Variants in EIF4E observed in about 807,000 individuals in gnomAD.
EIF4E encodes eukaryotic translation initiation factor 4E.
For synonymous variants in EIF4E, 71 were observed against 88.5 expected (o/e 0.80, Z 1.11); for missense variants, 113 against 265.6 (o/e 0.43, Z 3.99).
chr4:98,893,724 A>G (rs1442243935), intron 2 of EIF4E, among the ~76,000 whole-genome samples: 1 of 152,202 alleles, frequency 6.6e-6, no homozygotes, highest in Non-Finnish European at 1.5e-5. Flanking sequence ...CAAAGTCATC[A>G]ATACGGGTTG....
intron 2 of EIF4E, among the ~76,000 whole-genome samples, chr4:98,894,891 A>G (rs1301707408): frequency 6.6e-6 from 1 of 152,182 alleles, no homozygotes; most frequent in African/African-American, 2.4e-5. Context: ...TTAAAGTGAG[A>G]GACATGCAAC....
intron 1 of EIF4E, among the ~76,000 whole-genome samples, chr4:98,921,972 A>G (rs976051083): frequency 6.6e-6 from 1 of 152,224 alleles, no homozygotes; most frequent in African/African-American, 2.4e-5. Context: ...AGTCCTCAAG[A>G]TTATATATTT....
intron 1 of EIF4E, chr4:98,909,670 C>A (rs1386038141): frequency 8.4e-6 from 6 of 711,812 alleles, no homozygotes; most frequent in Non-Finnish European, 1.0e-5. Context: ...GCAAACAAGG[C>A]TTATCACCTG....
At chr4:98,895,194 C>T (rs1463351804) in intron 2 of EIF4E, 3 of 152,166 alleles carry the variant, frequency 2.0e-5, no homozygotes, top group Non-Finnish European at 4.4e-5. Context: ...AAATGTGACA[C>T]AGAGACACCA....
At chr4:98,903,324 C>A (rs1579166969) in intron 1 of EIF4E, 1 of 414,048 alleles carries the variant, frequency 2.4e-6, no homozygotes, top group Non-Finnish European at 4.6e-6. Flanking sequence ...GAATGCAGAG[C>A]AGAAAGGTGG....
intron 1 of EIF4E, chr4:98,909,587 C>T (rs1250095181): frequency 4.4e-6 from 3 of 678,912 alleles, no homozygotes; most frequent in Admixed American, 2.4e-5. Flanking sequence ...TTATATTCCT[C>T]AGCTTCTTCC....
chr4:98,882,833 A>T (rs549797215), intron 6 of EIF4E, among the ~76,000 whole-genome samples: 1 of 142,508 alleles, frequency 7.0e-6, no homozygotes, highest in Non-Finnish European at 1.5e-5. Flanking sequence ...TAACTCATTT[A>T]AAAAAAAAAA....
chr4:98,895,687 G>A (rs1724350704), intron 2 of EIF4E: 1 of 152,190 alleles, frequency 6.6e-6, no homozygotes, highest in African/African-American at 2.4e-5. Context: ...AAGTATACAT[G>A]CTGGATTTTT....
chr4:98,925,306 AACT>A (rs1455135761), intron 1 of EIF4E, among the ~76,000 whole-genome samples: 2 of 152,208 alleles, frequency 1.3e-5, no homozygotes, highest in African/African-American at 4.8e-5. Context: ...CCTCAAAAGG[AACT>A]ACAAGTCAAA....
intron 6 of EIF4E, among the ~76,000 whole-genome samples, chr4:98,882,527 G>GA (rs1481745711): frequency 6.6e-6 from 1 of 151,300 alleles, no homozygotes; most frequent in Non-Finnish European, 1.5e-5. Flanking sequence ...ATGATACTAG[G>GA]ATAGGTTTTT....
chr4:98,898,241 T>C lies in EIF4E; in HGVS notation c.125+3635A>G, dbSNP rs187675222. 3.6e-3 allele frequency among the ~76,000 whole-genome samples: 547 copies of C among 152,322 alleles called. 2 individuals are homozygous for C. The highest frequency in any genetic ancestry group is 6.6e-3 in the Non-Finnish European group (452 of 68,024). ...TGTGTGAGGCTGTATTGTCTTCTTA[T>C]ACTTCCAATGAAACATCTTAACTCC... On this transcript the variant is annotated intron_variant, in intron 2 of 6. Coordinates refer to ENST00000450253, the MANE Select transcript of EIF4E (RefSeq NM_001968.5).
intron 1 of EIF4E, among the ~76,000 whole-genome samples, chr4:98,913,844 A>G (rs1377357374): frequency 6.6e-6 from 1 of 152,142 alleles, no homozygotes; most frequent in East Asian, 1.9e-4. Flanking sequence ...ATGGGAAAAT[A>G]GAAAAATAAT....
At chr4:98,900,585 A>C (rs1560642801) in intron 2 of EIF4E, among the ~76,000 whole-genome samples, 1 of 152,244 alleles carries the variant, frequency 6.6e-6, no homozygotes. Flanking sequence ...AAAAAAGACA[A>C]GAAATGAACT....
chr4:98,891,601 G>T, intron 2 of EIF4E: 1 of 385,774 alleles, frequency 2.6e-6, no homozygotes, highest in Non-Finnish European at 4.6e-6. Flanking sequence ...ACTTATATGA[G>T]GTATAAGAAG....
intron 1 of EIF4E, among the ~76,000 whole-genome samples, chr4:98,923,204 C>CA (rs550509478): frequency 0.11 from 13,933 of 121,382 alleles, 1,583 homozygotes; most frequent in African/African-American, 0.32. Context: ...ACTGGGGAAA[C>CA]AAAAAAAAAA....
chr4:98,927,654 C>CA (rs774720176), intron 1 of EIF4E, among the ~76,000 whole-genome samples: 891 of 35,070 alleles, frequency 0.025, 153 homozygotes, highest in Non-Finnish European at 0.035. Context: ...GACTCCATCT[C>CA]AAAAAAAAAA....
intron 1 of EIF4E, among the ~76,000 whole-genome samples, chr4:98,904,584 G>C (rs756341289): frequency 6.6e-6 from 1 of 151,984 alleles, no homozygotes; most frequent in Non-Finnish European, 1.5e-5. Context: ...CAGCCTGGCC[G>C]ACATGGTGAA....
chr4:98,916,930 G>A (rs1471307119), intron 1 of EIF4E, among the ~76,000 whole-genome samples: 1 of 152,104 alleles, frequency 6.6e-6, no homozygotes, highest in Non-Finnish European at 1.5e-5. Flanking sequence ...CAGGAACATG[G>A]TAAAAGGAGA....
chr4:98,884,262 T>C (rs1723819310), intron 6 of EIF4E, among the ~76,000 whole-genome samples: 1 of 152,272 alleles, frequency 6.6e-6, no homozygotes, highest in South Asian at 2.1e-4. Flanking sequence ...CTTTTCAAAG[T>C]AGTACTTTTT....
Sources: allele counts gnomAD v4.1 joint callset (sites outside exome capture counted in the v4.1 genomes callset), GRCh38; gene constraint gnomAD v4.1.1; transcripts MANE v1.5; gene names NCBI Gene and HGNC (gene_info 2026-07-23, HGNC 2026-07-21).